Variants in IFT74 observed in about 807,000 individuals in gnomAD.
IFT74 encodes the protein intraflagellar transport protein 74 homolog.
A neutral mutation model predicts 96.7 loss-of-function variants in IFT74; 92 were observed. That is an observed-to-expected ratio of 0.95 (90% CI 0.80 to 1.13). The LOEUF (loss-of-function observed/expected upper bound fraction) is 1.13. IFT74 is among the 50% of genes most tolerant of loss of function. IFT74 has a pLI of 0.00. For missense variants in IFT74, 811 were observed against 698.2 expected, an observed-to-expected ratio of 1.16 and a Z score of -1.82; for synonymous variants, 223 against 213.2, an observed-to-expected ratio of 1.05 and a Z score of -0.40.
At chr9:27,036,120 A>G (rs1819169737) in intron 13 of IFT74, among the ~76,000 whole-genome samples, 1 of 152,220 alleles carries the variant, frequency 6.6e-6, no homozygotes, top group Non-Finnish European at 1.5e-5. Flanking sequence ...ATTATTTTCC[A>G]CTTACTAATG....
intron 12 of IFT74, among the ~76,000 whole-genome samples, chr9:27,020,876 A>G (rs1474623795): frequency 6.6e-6 from 1 of 152,112 alleles, no homozygotes; most frequent in East Asian, 1.9e-4. Context: ...CCATCAACCA[A>G]GCAGTGTCCA....
At chr9:27,031,597 A>ATTT (rs74178370) in intron 13 of IFT74, among the ~76,000 whole-genome samples, 1 of 129,848 alleles carries the variant, frequency 7.7e-6, no homozygotes, top group Non-Finnish European at 1.6e-5. Flanking sequence ...AACTTTACTC[A>ATTT]TTTTTTTTTT....
chr9:26,996,982 G>A (rs1411774569), intron 8 of IFT74, among the ~76,000 whole-genome samples: 1 of 152,010 alleles, frequency 6.6e-6, no homozygotes, highest in Non-Finnish European at 1.5e-5. Flanking sequence ...AGGCCGAGGC[G>A]GGTGGATCAC....
intron 19 of IFT74, chr9:27,060,961 CAAAAAAAAA>C (rs752655360): frequency 1.0e-4 from 4 of 38,314 alleles, no homozygotes; most frequent in South Asian, 1.5e-3. Flanking sequence ...GACTCCATCT[CAAAAAAAAA>C]AAAAAAAAAA....
intron 1 of IFT74, among the ~76,000 whole-genome samples, chr9:26,961,618 G>T (rs865898362): frequency 2.9e-4 from 44 of 152,182 alleles, no homozygotes; most frequent in African/African-American, 9.2e-4. Context: ...AGAAAGTGCA[G>T]AGAAAGGATT....
At chr9:27,044,983 A>G (rs1435249401) in intron 14 of IFT74, among the ~76,000 whole-genome samples, 188 bp downstream of exon 14, 1 of 152,184 alleles carries the variant, frequency 6.6e-6, no homozygotes, top group African/African-American at 2.4e-5. Context: ...TTCTAAAAAG[A>G]TATGTGATGA....
At position 27,026,706 on chromosome 9, in the gene IFT74, A is replaced by T. The variant is rs149477842; in HGVS notation, c.975-2319A>T. On this transcript the variant is annotated intron_variant, in intron 12 of 19. Transcript: ENST00000380062. ...CATGCAGATACATGGAAATTAAATA[A>T]TTTGCTCCTGAATGATCTTTAGGTC... 6.5e-3 allele frequency among the ~76,000 whole-genome samples: 996 copies of T among 152,326 alleles called. 2 individuals are homozygous for T. Among genetic ancestry groups the T allele is most frequent in the Non-Finnish European group, 0.012 (791 of 68,026 alleles).
rs1337376082 is a variant in IFT74, at chr9:26,984,323, A to G, written c.372A>G (p.Gln124=). 4.4e-6 allele frequency: 7 copies of G among 1,584,120 alleles called. No individual in the cohort carries two copies. The highest frequency in any genetic ancestry group is 2.7e-5 in the African/African-American group (2 of 73,632). The part of the protein sequence containing the change: ...KLQKGIEMYN[Q]ENSVYLSYEK... ...AGAAGGGAATAGAAATGTACAATCA[A>G]GAGAATTCAGTATATTTGTCATATG... The change falls in exon 5 of 20, where the codon CAA becomes CAG. Residue 124 remains glutamine, a synonymous_variant. Coordinates refer to ENST00000380062, the MANE Select transcript of IFT74 (RefSeq NM_025103.4).
intron 3 of IFT74, among the ~76,000 whole-genome samples, chr9:26,979,664 C>T (rs1193745542): frequency 6.9e-6 from 1 of 144,982 alleles, no homozygotes; most frequent in Non-Finnish European, 1.5e-5. Flanking sequence ...GGCACTTCAT[C>T]TCTTACAAGG....
At chr9:26,983,357 G>A (rs903590280) in intron 4 of IFT74, among the ~76,000 whole-genome samples, 1 of 152,194 alleles carries the variant, frequency 6.6e-6, no homozygotes, top group Non-Finnish European at 1.5e-5. Flanking sequence ...AATAGTTCTA[G>A]CTATTTGTGT....
At chr9:27,047,418 A>C (rs1321753551) in intron 15 of IFT74, 47 bp downstream of exon 15, 1 of 1,181,174 alleles carries the variant, frequency 8.5e-7, no homozygotes. Context: ...TTTTGCCGTG[A>C]TTAACTTTCC....
At chr9:27,035,889 A>G (rs1587394258) in intron 13 of IFT74, among the ~76,000 whole-genome samples, 1 of 152,210 alleles carries the variant, frequency 6.6e-6, no homozygotes, top group Admixed American at 6.5e-5. Flanking sequence ...ACCCTTCAAG[A>G]CAGCATTGGG....
chr9:27,006,984 C>G (rs746389863), intron 8 of IFT74, among the ~76,000 whole-genome samples: 1 of 151,490 alleles, frequency 6.6e-6, no homozygotes. Flanking sequence ...CTACAGGCGC[C>G]CACCATCACG....
intron 2 of IFT74, among the ~76,000 whole-genome samples, chr9:26,970,770 C>A (rs769382856): frequency 6.6e-6 from 1 of 152,192 alleles, no homozygotes; most frequent in Non-Finnish European, 1.5e-5. Flanking sequence ...TATTCCTGGC[C>A]CCTATGCTCA....
intron 12 of IFT74, among the ~76,000 whole-genome samples, chr9:27,026,074 C>T (rs1829849417): frequency 2.0e-5 from 3 of 152,166 alleles, no homozygotes; most frequent in Non-Finnish European, 4.4e-5. Context: ...AACCAAGTAT[C>T]TCCCATCTTC....
At chr9:26,995,758 T>C (rs761268404) in intron 8 of IFT74, 1 of 1,613,894 alleles carries the variant, frequency 6.2e-7, no homozygotes. Flanking sequence ...ATATTGGGCA[T>C]TTGATAGCAA....
At chr9:26,989,833 A>T (rs760186925) in intron 7 of IFT74, among the ~76,000 whole-genome samples, 3 of 152,152 alleles carry the variant, frequency 2.0e-5, no homozygotes, top group Non-Finnish European at 4.4e-5. Context: ...TTTATTGAAC[A>T]CTCAATATAT....
At chr9:27,051,182 G>T (rs1052276411) in intron 16 of IFT74, among the ~76,000 whole-genome samples, 7 of 152,096 alleles carry the variant, frequency 4.6e-5, no homozygotes, top group Non-Finnish European at 1.0e-4. Flanking sequence ...TTCTGAAATA[G>T]AACTGCCCAA....
chr9:27,030,182 C>G (rs911434682), intron 13 of IFT74, among the ~76,000 whole-genome samples: 20 of 152,122 alleles, frequency 1.3e-4, no homozygotes, highest in African/African-American at 4.6e-4. Context: ...CTTGGATTAT[C>G]AAGAATTGAT....
Sources: gnomAD v4.1 joint callset for allele counts (sites outside exome capture counted in the v4.1 genomes callset) on GRCh38, gnomAD v4.1.1 for gene constraint, MANE v1.5 for transcripts, NCBI Gene and HGNC (gene_info 2026-07-23, HGNC 2026-07-21) for gene names.